The following CHADL variants were observed in gnomAD, a reference collection of about 807,000 sequenced individuals.
The protein encoded by CHADL is chondroadherin-like protein.
CHADL carries 48 observed loss-of-function variants against 52.1 expected under a neutral mutation model. That is an observed-to-expected ratio of 0.92 (90% CI 0.73 to 1.17). The LOEUF (loss-of-function observed/expected upper bound fraction) is 1.17, where lower values mean the gene tolerates loss of function less well. CHADL is among the 50% of genes most tolerant of loss of function. The pLI is 0.00. For synonymous variants in CHADL, 498 were observed against 511.2 expected (o/e 0.97, Z 0.35); for missense variants, 977 against 1,035.1 (o/e 0.94, Z 0.77).
At position 41,239,605 on chromosome 22, in the gene CHADL, G is replaced by T. The variant is rs2032825261; in HGVS notation, c.24C>A (p.Thr8=). 6.5e-7 allele frequency: 1 copy of T among 1,536,336 alleles called. No individual in the cohort carries two copies. The highest frequency in any genetic ancestry group is 2.1e-5 in the Admixed American group (1 of 47,666). The change falls in exon 2 of 6, where the codon ACC becomes ACA. Residue 8 remains threonine (T), a synonymous_variant. Coordinates refer to ENST00000216241, the MANE Select transcript of CHADL (RefSeq NM_138481.2). Reference sequence around the variant, plus strand: ...GAAGCGGCAGCACCAAGGGGACATGGGTGGAGCTCCGGGGCCTGGGACGGG... The same window carrying T: ...GAAGCGGCAGCACCAAGGGGACATGTGTGGAGCTCCGGGGCCTGGGACGGG... MEGPRSS[T]HVPLVLPLLV...
Position 41,239,487 on chromosome 22 carries a change from A to G in CHADL, c.142T>C (p.Cys48Arg). The part of the protein sequence containing the change: ...ICDNSRRHVA[C>R]RYQNLTEVPD... ...ACCTCAGTGAGGTTCTGGTACCGGC[A>G]GGCAACGTGTCGCCTGGAGTTGTCA... The change falls in exon 2 of 6, where the codon TGC (cysteine) becomes CGC (arginine). Residue 48 changes from cysteine (C) to arginine (R), a missense_variant. Cys to Arg is a radical substitution (Grantham distance 180). Coordinates refer to ENST00000216241, the MANE Select transcript of CHADL (RefSeq NM_138481.2). The G allele has an allele frequency of 1.9e-6, 3 of 1,550,760 alleles. No individual in the cohort carries two copies. The highest frequency in any genetic ancestry group is 2.6e-6 in the Non-Finnish European group (3 of 1,146,870).
At chr22:41,232,159 T>C (rs139012185) in intron 5 of CHADL, among the ~76,000 whole-genome samples, 2,985 of 151,694 alleles carry the variant, frequency 0.02, 47 homozygotes, top group African/African-American at 0.049. Flanking sequence ...GATGAAACCC[T>C]GTCTCTACTA....
At chr22:41,234,235 G>A (rs1455309368) in intron 5 of CHADL, among the ~76,000 whole-genome samples, 1 of 152,140 alleles carries the variant, frequency 6.6e-6, no homozygotes, top group Non-Finnish European at 1.5e-5. Flanking sequence ...GATACATCTG[G>A]ACCAGCACAG....
At position 41,229,587 on chromosome 22, in the gene CHADL, A is replaced by G. The variant is rs774830983; in HGVS notation, c.*117T>C. ...GACGCGACCCCTCAGACAGGGGTCC[A>G]AGAAGCCCCTGCTGGAGGACGACCC... On this transcript the variant is annotated 3_prime_UTR_variant, in exon 6 of 6. Coordinates refer to ENST00000216241, the MANE Select transcript of CHADL (RefSeq NM_138481.2). 1.2e-6 allele frequency: 2 copies of G among 1,613,668 alleles called. No homozygotes were observed. The highest frequency in any genetic ancestry group is 1.7e-6 in the Non-Finnish European group (2 of 1,179,666).
At position 41,235,253 on chromosome 22, in the gene CHADL, G is replaced by A; in HGVS notation, c.2154C>T (p.Val718=). The A allele has an allele frequency of 6.4e-7, 1 of 1,551,384 alleles. No homozygotes were observed. Among genetic ancestry groups the A allele is most frequent in the Non-Finnish European group, 8.7e-7 (1 of 1,146,998 alleles). The change falls in exon 5 of 6, where the codon GTC becomes GTT. Residue 718 remains valine, a synonymous_variant. Coordinates refer to ENST00000216241, the MANE Select transcript of CHADL (RefSeq NM_138481.2). Reference sequence around the variant, plus strand: ...CAGCCCAGCCCGGGCAGTCTTCAAAGACAGCAGCTGCAGCCTTCACCCTCT... The same window carrying A: ...CAGCCCAGCCCGGGCAGTCTTCAAAAACAGCAGCTGCAGCCTTCACCCTCT... ...RGQRVKAAAA[V]FEDCPGWAAR...
rs1022580564 is a variant in CHADL, at chr22:41,239,534, C to T, written c.95G>A (p.Arg32His). 9.0e-6 allele frequency: 14 copies of T among 1,549,138 alleles called. No homozygotes were observed. The highest frequency in any genetic ancestry group is 5.9e-5 in the Admixed American group (3 of 50,562). Reference protein sequence around the residue: ...LAPARQAAAQRCPQACICDNS... With the variant: ...LAPARQAAAQHCPQACICDNS... ...GTCACAGATGCAGGCCTGTGGGCAG[C>T]GCTGGGCGGCGGCCTGCCTAGCCGG... Residue 32 changes from arginine (R) to histidine (H), a missense_variant, in exon 2 of 6, where the codon CGC (arginine) becomes CAC (histidine). By Grantham distance (29) the Arg-to-His change is conservative. Coordinates refer to ENST00000216241, the MANE Select transcript of CHADL (RefSeq NM_138481.2).
chr22:41,236,525 G>A lies in CHADL; in HGVS notation c.2022C>T (p.Ser674=). The A allele has an allele frequency of 6.4e-7, 1 of 1,551,482 alleles. No individual in the cohort carries two copies. The highest frequency in any genetic ancestry group is 8.7e-7 in the Non-Finnish European group (1 of 1,146,964). Residue 674 remains serine, a synonymous_variant, in exon 4 of 6, where the codon AGC becomes AGT. Transcript: ENST00000216241. ...LSQLELIDLS[S]NPFHCDCQLL... is the part of the protein sequence containing the mutation. ...GCTGGCAGTCACAGTGGAAGGGATT[G>A]CTGCTGAGGTCGATGAGCTCCAGCT...
chr22:41,235,304 G>T lies in CHADL; in HGVS notation c.2103C>A (p.Cys701Ter). Residue 701 changes from cysteine (C) to a stop codon, truncating the protein, a stop_gained, in exon 5 of 6, where the codon TGC (cysteine) becomes TGA (stop). Coordinates refer to ENST00000216241, the MANE Select transcript of CHADL (RefSeq NM_138481.2). LOFTEE classifies it high-confidence loss of function. The part of the protein sequence containing the change: ...TGLNLRVGAT[C>*]ATPPNARGQR... Reference sequence around the variant, plus strand: ...GGCCACGGGCATTGGGAGGGGTGGCGCAGGTGGCCCCCACCCGCAGGTTCA... The same window carrying T: ...GGCCACGGGCATTGGGAGGGGTGGCTCAGGTGGCCCCCACCCGCAGGTTCA... 1 of 1,550,998 alleles carries T rather than the reference G, an allele frequency of 6.4e-7. No homozygotes were observed. Among genetic ancestry groups the T allele is most frequent in the South Asian group, 1.2e-5 (1 of 84,058 alleles).
rs563873688 is a variant in CHADL, at chr22:41,238,075, C to G, written c.997G>C (p.Asp333His). 1.2e-4 allele frequency: 148 copies of G among 1,279,928 alleles called. No individual in the cohort carries two copies. The African/African-American group carries it at 2.2e-3, about 19-fold the overall frequency. 79.3% of individuals were successfully genotyped at this position (1,279,928 alleles called of 1,614,324 possible). The change falls in exon 3 of 6, where the codon GAC (aspartate) becomes CAC (histidine). Residue 333 changes from aspartate to histidine, a missense_variant. By Grantham distance (81) the Asp-to-His change is moderately conservative. Coordinates refer to ENST00000216241, the MANE Select transcript of CHADL (RefSeq NM_138481.2). The surrounding 1 kb of genome is among the most constrained non-coding windows in gnomAD (Gnocchi z 4.9). ...EWLARARVRS[D>H]GACQGPRRLR... The stretch of plus-strand genomic sequence containing the variant: ...CGCCGCGGCCCCTGGCACGCGCCGT[C>G]CGAGCGCACGCGCGCCCGCGCCAGC...
rs915632868 is a variant in CHADL, at chr22:41,238,896, C to G, written c.187-11G>C. On this transcript the variant is annotated splice_polypyrimidine_tract_variant and intron_variant, in intron 2 of 5. Coordinates refer to ENST00000216241, the MANE Select transcript of CHADL (RefSeq NM_138481.2). The surrounding 1 kb of genome is among the most constrained non-coding windows in gnomAD (Gnocchi z 4.9). Reference sequence around the variant, plus strand: ...CAGCCGCTGGGTCAGCTGGGGACAGCGAGGAGAAAGTGGGGCTGAGCCAGG... The same window carrying G: ...CAGCCGCTGGGTCAGCTGGGGACAGGGAGGAGAAAGTGGGGCTGAGCCAGG... The G allele has an allele frequency of 1.3e-6, 2 of 1,521,880 alleles. No homozygotes were observed. Among genetic ancestry groups the G allele is most frequent in the Admixed American group, 2.0e-5 (1 of 49,170 alleles). The allele number at this position is 1,521,880 out of a possible 1,614,324, so 94.3% of individuals were successfully genotyped here.
rs1362663274 is a variant in CHADL at position 41,238,292 on chromosome 22, C to T, written c.780G>A (p.Leu260=). The T allele has an allele frequency of 3.3e-6, 5 of 1,528,942 alleles. No individual in the cohort carries two copies. The highest frequency in any genetic ancestry group is 4.4e-6 in the Non-Finnish European group (5 of 1,144,098). 94.7% of individuals were successfully genotyped at this position (1,528,942 alleles called of 1,614,324 possible). ...GGGCCTGCAGGGCCCCGCCGTCCAG[C>T]AGCAGCTCCCGCAGGCCGGGCAGCG... is the stretch of plus-strand genomic sequence containing the variant. ...GLALPGLREL[L]LDGGALQALG... Residue 260 remains leucine, a synonymous_variant, in exon 3 of 6, where the codon CTG becomes CTA. Coordinates refer to ENST00000216241, the MANE Select transcript of CHADL (RefSeq NM_138481.2). The surrounding 1 kb of genome is among the most constrained non-coding windows in gnomAD (Gnocchi z 4.9).
intron 5 of CHADL, among the ~76,000 whole-genome samples, chr22:41,233,866 T>C (rs536691367): frequency 1.3e-5 from 2 of 152,308 alleles, no homozygotes; most frequent in East Asian, 3.9e-4. Flanking sequence ...GGCCCCACTC[T>C]ATTCTCACTT....
In CHADL at chr22:41,229,750, G is replaced by A. The variant is rs1393674213; in HGVS notation, c.2263-20C>T. The A allele has an allele frequency of 6.2e-7, 1 of 1,603,396 alleles. No individual in the cohort carries two copies. Among genetic ancestry groups the A allele is most frequent in the Non-Finnish European group, 8.5e-7 (1 of 1,175,036 alleles). On this transcript the variant is annotated intron_variant, in intron 5 of 5. Transcript: ENST00000216241. ...CCCCACCTGGGCACAGAAGAGTAGA[G>A]TCAGGTTTCTTTGGCATTTTCTGGG...
chr22:41,238,078 A>AGCGCCCGC lies in CHADL; in HGVS notation c.993_994insGCGGGCGC (p.Ser332AlafsTer104). 5.5e-6 allele frequency: 7 copies of AGCGCCCGC among 1,275,322 alleles called. No individual in the cohort carries two copies. Among genetic ancestry groups the AGCGCCCGC allele is most frequent in the Non-Finnish European group, 6.9e-6 (7 of 1,016,508 alleles). The allele number at this position is 1,275,322 out of a possible 1,614,324, so 79.0% of individuals were successfully genotyped here. ...CGCGGCCCCTGGCACGCGCCGTCCG[A>AGCGCCCGC]GCGCACGCGCGCCCGCGCCAGCCAC... On this transcript the variant is annotated frameshift_variant, in exon 3 of 6. Transcript: ENST00000216241. LOFTEE classifies it high-confidence loss of function. This position sits in a 1 kb window ranked among gnomAD's most constrained non-coding sequence, Gnocchi z 4.9.
rs9623355 is a variant in CHADL at position 41,235,118 on chromosome 22, T to C, written c.2262+27A>G. ...GAACCTGGCCCACCACCCACCAAGG[T>C]CTCACCCCTCCTGCCCCATGGCCAA... On this transcript the variant is annotated intron_variant, in intron 5 of 5. Transcript: ENST00000216241. 0.017 allele frequency: 26,005 copies of C among 1,548,724 alleles called. 2,019 individuals carry two copies. In the African/African-American group the frequency reaches 0.21, roughly 12 times the overall value.
In CHADL at chr22:41,238,801, G is replaced by C. The variant is rs2032806149; in HGVS notation, c.271C>G (p.Leu91Val). 1 of 1,549,520 alleles carries C rather than the reference G, an allele frequency of 6.5e-7. No homozygotes were observed. ...TCCACCTCGCAGTGGCGCAGGTCCA[G>C]GTGTGTGAGGTGAGGCACGCCCTGG... ...AFQGVPHLTH[L>V]DLRHCEVELV... Residue 91 changes from leucine (L) to valine (V), a missense_variant, in exon 3 of 6, where the codon CTG (leucine) becomes GTG (valine). Transcript: ENST00000216241. The surrounding 1 kb of genome is among the most constrained non-coding windows in gnomAD (Gnocchi z 4.9).
At chr22:41,232,141 G>T (rs751049890) in intron 5 of CHADL, among the ~76,000 whole-genome samples, 2 of 151,698 alleles carry the variant, frequency 1.3e-5, no homozygotes, top group Admixed American at 6.6e-5. Context: ...GACCATCCTG[G>T]CTAACACGAT....
chr22:41,238,043 C>T lies in CHADL; in HGVS notation c.1029G>A (p.Arg343=). The change falls in exon 3 of 6, where the codon CGG becomes CGA. Residue 343 remains arginine, a synonymous_variant. Coordinates refer to ENST00000216241, the MANE Select transcript of CHADL (RefSeq NM_138481.2). This position sits in a 1 kb window ranked among gnomAD's most constrained non-coding sequence, Gnocchi z 4.9. ...DGACQGPRRL[R]GEALDALRPW... ...GCCGCAGGGCGTCCAGAGCCTCGCC[C>T]CGCAGGCGCCGCGGCCCCTGGCACG... 1.6e-6 allele frequency: 2 copies of T among 1,273,494 alleles called. No individual in the cohort carries two copies. Among genetic ancestry groups the T allele is most frequent in the Non-Finnish European group, 2.0e-6 (2 of 1,017,178 alleles). 78.9% of individuals were successfully genotyped at this position (1,273,494 alleles called of 1,614,324 possible).
chr22:41,238,957 C>T lies in CHADL; in HGVS notation c.187-72G>A, dbSNP rs1269188263. On this transcript the variant is annotated intron_variant, in intron 2 of 5. Coordinates refer to ENST00000216241, the MANE Select transcript of CHADL (RefSeq NM_138481.2). The surrounding 1 kb of genome is among the most constrained non-coding windows in gnomAD (Gnocchi z 4.9). The stretch of plus-strand genomic sequence containing the variant: ...GCCTTTGCAAGTGCTGCTTCTTCCC[C>T]GGAACACTCTTTTCTCCTGTCACCT... 4 of 1,453,740 alleles carry T rather than the reference C, an allele frequency of 2.8e-6. No individual in the cohort carries two copies. The highest frequency in any genetic ancestry group is 2.8e-5 in the African/African-American group (2 of 70,530). The allele number at this position is 1,453,740 out of a possible 1,614,324, so 90.1% of individuals were successfully genotyped here.
Sources: allele counts gnomAD v4.1 joint callset (sites outside exome capture counted in the v4.1 genomes callset), GRCh38; gene constraint gnomAD v4.1.1; non-coding constraint Gnocchi (gnomAD v3.1); transcripts MANE v1.5; gene names NCBI Gene and HGNC (gene_info 2026-07-23, HGNC 2026-07-21).